The following STK32C variants were observed in gnomAD, a reference collection of about 807,000 sequenced individuals.
STK32C encodes the protein serine/threonine-protein kinase 32C.
In STK32C, 31 loss-of-function variants were observed where a neutral mutation model predicts 56.5. The ratio of observed to expected loss-of-function variants is 0.55; its 90% CI spans 0.41 to 0.74. The LOEUF (loss-of-function observed/expected upper bound fraction) is 0.74. Ranked by LOEUF, STK32C falls within the 30% of genes least tolerant of loss-of-function variation. STK32C has a pLI of 0.00. For synonymous variants in STK32C, 309 were observed against 289.4 expected (o/e 1.07, Z -0.69); for missense variants, 544 against 676.9 (o/e 0.80, Z 2.18).
rs181896396 is a variant in STK32C at position 132,262,234 on chromosome 10, G to A, written c.263-16279C>T. Among the ~76,000 whole-genome samples, 59 of 152,248 alleles carry A rather than the reference G, an allele frequency of 3.9e-4. No homozygotes were observed. In the South Asian group the frequency reaches 9.3e-3, roughly 24 times the overall value. ...AATAAATGGTGCTGGGAGAGCCGGC[G>A]AGCCACATGAGGAAGAATGAAGCTG... On this transcript the variant is annotated intron_variant, in intron 1 of 11. Coordinates refer to ENST00000298630, the MANE Select transcript of STK32C (RefSeq NM_173575.4).
intron 1 of STK32C, among the ~76,000 whole-genome samples, chr10:132,286,113 G>A (rs1304277899): frequency 4.7e-5 from 7 of 150,286 alleles, no homozygotes; most frequent in Middle Eastern, 3.4e-3. Context: ...GTGACGGAGC[G>A]AGACTCTGTC....
At chr10:132,234,615 C>T (rs150366947) in intron 2 of STK32C, among the ~76,000 whole-genome samples, 142 of 152,376 alleles carry the variant, frequency 9.3e-4, no homozygotes, top group Non-Finnish European at 1.6e-3. Flanking sequence ...CTTCCGGCCC[C>T]TTCATGCCAG....
At chr10:132,297,813 C>T (rs2065800425) in intron 1 of STK32C, among the ~76,000 whole-genome samples, 1 of 152,254 alleles carries the variant, frequency 6.6e-6, no homozygotes, top group African/African-American at 2.4e-5. Context: ...AGCAGGTGCA[C>T]ACCCGCCTGG....
intron 1 of STK32C, among the ~76,000 whole-genome samples, chr10:132,266,953 G>A (rs1474275148): frequency 6.6e-6 from 1 of 152,178 alleles, no homozygotes; most frequent in Admixed American, 6.5e-5. Context: ...CGAGGCCGCA[G>A]AGGAACTGCA....
At chr10:132,276,060 G>C (rs2064988668) in intron 1 of STK32C, among the ~76,000 whole-genome samples, 1 of 152,208 alleles carries the variant, frequency 6.6e-6, no homozygotes, top group Non-Finnish European at 1.5e-5. Context: ...GGTGACGCCA[G>C]ACCCACATGC....
At chr10:132,248,969 T>C in intron 1 of STK32C, 1 of 456,928 alleles carries the variant, frequency 2.2e-6, no homozygotes, top group Non-Finnish European at 4.4e-6. Context: ...CAAAATCTAT[T>C]AAATAACAAG....
At chr10:132,326,869 T>C (rs890398741) in intron 1 of STK32C, among the ~76,000 whole-genome samples, 2 of 152,178 alleles carry the variant, frequency 1.3e-5, no homozygotes, top group Non-Finnish European at 2.9e-5. Flanking sequence ...ATTCAGCTGG[T>C]TGGGGGACTC....
intron 1 of STK32C, among the ~76,000 whole-genome samples, chr10:132,279,937 ACCGTGACCACGCCCCTGCACC>A (rs1453663906): frequency 0.029 from 2,813 of 98,028 alleles, 52 homozygotes; most frequent in Middle Eastern, 0.048. Flanking sequence ...AGGCCTCCAC[ACCGTGACCACGCCCCTGCACC>A]CCGTGACCAC....
At position 132,286,074 on chromosome 10, in the gene STK32C, C is replaced by T. The variant is rs117126009; in HGVS notation, c.262+21498G>A. ...CCGGGAAGTGGAGCTCGCAGTGAGC[C>T]GAGACTGAGCCACTGCACTCCAGCC... On this transcript the variant is annotated intron_variant, in intron 1 of 11. Transcript: ENST00000298630. Among the ~76,000 whole-genome samples the T allele has an allele frequency of 1.3e-3, 202 of 151,116 alleles. 4 individuals carry two copies. The East Asian group carries it at 0.032, about 24-fold the overall frequency.
chr10:132,238,792 CACAT>C (rs1313392851), intron 2 of STK32C, among the ~76,000 whole-genome samples: 2 of 152,208 alleles, frequency 1.3e-5, no homozygotes, highest in African/African-American at 4.8e-5. Context: ...CACACACACA[CACAT>C]ACCACATACA....
rs10128535 is a variant in STK32C at position 132,293,117 on chromosome 10, T to C, written c.262+14455A>G. Among the ~76,000 whole-genome samples the C allele has an allele frequency of 5.9e-5, 9 of 152,128 alleles. No homozygotes were observed. In the South Asian group the frequency reaches 1.2e-3, roughly 21 times the overall value. ...CGTGCGGGGCGGTCAGTGCAGCGCG[T>C]GCATGCGTGCGGGGAGGGCAGCGCT... On this transcript the variant is annotated intron_variant, in intron 1 of 11. Coordinates refer to ENST00000298630, the MANE Select transcript of STK32C (RefSeq NM_173575.4).
rs114476793 is a variant in STK32C at position 132,279,473 on chromosome 10, C to T, written c.262+28099G>A. Among the ~76,000 whole-genome samples, 1,130 of 152,184 alleles carry T rather than the reference C, an allele frequency of 7.4e-3. 16 individuals are homozygous for T. The highest frequency in any genetic ancestry group is 0.026 in the African/African-American group (1,061 of 41,484). ...ACATGCATGTGTGTAAAGACATACA[C>T]ATGTGACCAGGTGCAGTGGCTCACA... On this transcript the variant is annotated intron_variant, in intron 1 of 11. Transcript: ENST00000298630.
intron 1 of STK32C, among the ~76,000 whole-genome samples, chr10:132,259,291 T>C (rs1444954213): frequency 6.6e-6 from 1 of 152,200 alleles, no homozygotes; most frequent in African/African-American, 2.4e-5. Context: ...CCAAATCTCA[T>C]GTAAGATGTA....
chr10:132,240,504 G>T (rs532039024), intron 2 of STK32C, among the ~76,000 whole-genome samples: 30 of 152,352 alleles, frequency 2.0e-4, no homozygotes, highest in African/African-American at 7.2e-4. Flanking sequence ...AGCCCGGCCA[G>T]GCAGACCTTC....
upstream of STK32C, chr10:132,331,925 C>A (rs2138539292): frequency 1.5e-6 from 1 of 661,066 alleles, no homozygotes; most frequent in South Asian, 2.2e-5. Context: ...AACCCCCCCA[C>A]CGCAAGCGCA....
chr10:132,248,260 C>T (rs1298468513), intron 1 of STK32C, among the ~76,000 whole-genome samples: 1 of 152,204 alleles, frequency 6.6e-6, no homozygotes, highest in East Asian at 1.9e-4. Context: ...ATGGGCTGAA[C>T]TAGTGGAGGG....
intron 3 of STK32C, among the ~76,000 whole-genome samples, chr10:132,227,714 A>G (rs2062942850): frequency 6.6e-6 from 1 of 152,100 alleles, no homozygotes. Context: ...GCACATCTCC[A>G]TTGTAGGGAA....
At chr10:132,312,434 C>T (rs2066240313), upstream of STK32C, among the ~76,000 whole-genome samples, 1 of 152,198 alleles carries the variant, frequency 6.6e-6, no homozygotes, top group African/African-American at 2.4e-5. Context: ...GACCTCAGTT[C>T]AATCCATTCT....
chr10:132,255,961 A>C lies in STK32C; in HGVS notation c.263-10006T>G, dbSNP rs1327645361. Among the ~76,000 whole-genome samples, 2 of 152,168 alleles carry C rather than the reference A, an allele frequency of 1.3e-5. No homozygotes were observed. Among genetic ancestry groups the C allele is most frequent in the Non-Finnish European group, 2.9e-5 (2 of 68,012 alleles). On this transcript the variant is annotated intron_variant, in intron 1 of 11. Coordinates refer to ENST00000298630, the MANE Select transcript of STK32C (RefSeq NM_173575.4). The surrounding 1 kb of genome is among the most constrained non-coding windows in gnomAD (Gnocchi z 4.6). ...TGCACACCCTGGAGCCCTGGTGTCC[A>C]GCTTGGACTCGCCCGGGTGGCTTGG...
Sources: gnomAD v4.1 joint callset for allele counts (sites outside exome capture counted in the v4.1 genomes callset) on GRCh38, gnomAD v4.1.1 for gene constraint, Gnocchi (gnomAD v3.1) non-coding constraint, MANE v1.5 for transcripts, NCBI Gene and HGNC (gene_info 2026-07-23, HGNC 2026-07-21) for gene names.